The following CCDC146 variants were observed in gnomAD, a reference collection of about 807,000 sequenced individuals.
CCDC146 encodes coiled-coil domain-containing protein 146.
A neutral mutation model predicts 119.3 loss-of-function variants in CCDC146; 92 were observed. That is an observed-to-expected ratio of 0.77 (90% CI 0.65 to 0.92). The LOEUF is 0.92. CCDC146 is among the 40% of genes least tolerant of loss of function. The pLI, the probability that CCDC146 is intolerant of heterozygous loss-of-function variation, is 0.00. For missense variants in CCDC146, 1,000 were observed against 1,103.0 expected, an observed-to-expected ratio of 0.91 and a Z score of 1.32; for synonymous variants, 372 against 371.8, an observed-to-expected ratio of 1.00 and a Z score of -0.01.
intron 4 of CCDC146, among the ~76,000 whole-genome samples, chr7:77,247,627 A>C (rs1792978232): frequency 6.6e-6 from 1 of 152,220 alleles, no homozygotes. Flanking sequence ...ATCCCATTAA[A>C]AAGTAGGCAA....
intron 18 of CCDC146, among the ~76,000 whole-genome samples, chr7:77,294,398 C>T (rs1794005133): frequency 6.6e-6 from 1 of 151,664 alleles, no homozygotes; most frequent in South Asian, 2.1e-4. Context: ...TGATTCCACC[C>T]TCCTACCCTA....
chr7:77,131,446 A>G (rs1184080587), intron 1 of CCDC146, among the ~76,000 whole-genome samples: 1 of 152,064 alleles, frequency 6.6e-6, no homozygotes, highest in Non-Finnish European at 1.5e-5. Flanking sequence ...GGCCGGGTGC[A>G]GTGGCTCACA....
chr7:77,260,181 T>C lies in CCDC146; in HGVS notation c.931T>C (p.Leu311=), dbSNP rs779573038. The C allele has an allele frequency of 1.8e-5, 29 of 1,613,904 alleles. No homozygotes were observed. The highest frequency in any genetic ancestry group is 2.2e-5 in the Non-Finnish European group (26 of 1,180,004). Residue 311 remains leucine, a synonymous_variant, in exon 8 of 19, where the codon TTG becomes CTG. Coordinates refer to ENST00000285871, the MANE Select transcript of CCDC146 (RefSeq NM_020879.3). ...LEIKEREHNQ[L]VKLLELAREN... ...AATCAAAGAACGAGAACATAACCAA[T>C]TGGTCAAGCTATTGGAATTAGCCAG... is the stretch of plus-strand genomic sequence containing the variant.
At chr7:77,285,455 G>A (rs967112477) in intron 15 of CCDC146, among the ~76,000 whole-genome samples, 4 of 152,196 alleles carry the variant, frequency 2.6e-5, no homozygotes, top group Non-Finnish European at 4.4e-5. Flanking sequence ...AATTATTTTT[G>A]TAGGGAGGAG....
Position 77,157,613 on chromosome 7 carries a change from T to C in CCDC146, c.-11-10045T>C, listed in dbSNP as rs1035260040. On this transcript the variant is annotated intron_variant, in intron 1 of 18. Coordinates refer to ENST00000285871, the MANE Select transcript of CCDC146 (RefSeq NM_020879.3). ...GAAGCTTCCTATTTTGGCTTATTCA[T>C]GTCTTCTGCTTTCTTAAAATCCCCT... Among the ~76,000 whole-genome samples, 27 of 152,332 alleles carry C rather than the reference T, an allele frequency of 1.8e-4. 1 individual carries two copies. Among genetic ancestry groups the C allele is most frequent in the African/African-American group, 6.3e-4 (26 of 41,572 alleles).
chr7:77,263,276 C>A (rs1793337961), intron 9 of CCDC146, among the ~76,000 whole-genome samples: 1 of 152,156 alleles, frequency 6.6e-6, no homozygotes, highest in South Asian at 2.1e-4. Context: ...CACTTCCAGC[C>A]TATAACATCT....
intron 2 of CCDC146, among the ~76,000 whole-genome samples, chr7:77,191,842 G>A (rs748572311): frequency 5.9e-5 from 9 of 152,062 alleles, no homozygotes; most frequent in African/African-American, 2.2e-4. Context: ...CCCAGGAGGC[G>A]GAGCGTGCAG....
intron 3 of CCDC146, 84 bp from the exon 4 acceptor site, chr7:77,241,607 C>A: frequency 1.8e-6 from 2 of 1,122,776 alleles, no homozygotes; most frequent in Non-Finnish European, 1.3e-6. Flanking sequence ...GAGTGGGGAG[C>A]AGCTATCCTC....
At chr7:77,262,350 A>T in intron 9 of CCDC146, 43 bp downstream of exon 9, 2 of 1,446,534 alleles carry the variant, frequency 1.4e-6, no homozygotes, top group Non-Finnish European at 1.9e-6. Context: ...GCTCGGTGCT[A>T]ACTTTTGAAG....
At chr7:77,152,402 G>A (rs1391134457) in intron 1 of CCDC146, among the ~76,000 whole-genome samples, 9 of 152,086 alleles carry the variant, frequency 5.9e-5, no homozygotes, top group Non-Finnish European at 8.8e-5. Flanking sequence ...GATCTGCCAA[G>A]GGCCAGTGAA....
chr7:77,272,195 A>G (rs994207479), intron 9 of CCDC146, among the ~76,000 whole-genome samples: 3 of 152,224 alleles, frequency 2.0e-5, no homozygotes, highest in Admixed American at 6.5e-5. Flanking sequence ...GATCTGCTAT[A>G]GCAATTTTAT....
chr7:77,183,372 G>A (rs1469686068), intron 2 of CCDC146, among the ~76,000 whole-genome samples: 1 of 152,060 alleles, frequency 6.6e-6, no homozygotes, highest in East Asian at 1.9e-4. Flanking sequence ...ATAGGTGGCA[G>A]AGGGAGATTG....
chr7:77,225,044 T>C (rs1792479931), intron 2 of CCDC146, among the ~76,000 whole-genome samples: 6 of 152,196 alleles, frequency 3.9e-5, no homozygotes, highest in Admixed American at 3.9e-4. Flanking sequence ...TTTTGTCTTG[T>C]TTGTTTTTGA....
intron 3 of CCDC146, among the ~76,000 whole-genome samples, chr7:77,237,905 T>C (rs949320458): frequency 1.6e-4 from 25 of 152,108 alleles, no homozygotes; most frequent in African/African-American, 5.1e-4. Flanking sequence ...GGGCCTTGCA[T>C]TGTATCTTCA....
chr7:77,153,140 G>A (rs980318916), intron 1 of CCDC146, among the ~76,000 whole-genome samples: 8 of 152,172 alleles, frequency 5.3e-5, no homozygotes, highest in Non-Finnish European at 4.4e-5. Flanking sequence ...AAGGAGCAAG[G>A]AGGAGGAGGA....
chr7:77,140,940 T>C (rs1790923736), intron 1 of CCDC146, among the ~76,000 whole-genome samples: 1 of 152,108 alleles, frequency 6.6e-6, no homozygotes, highest in Admixed American at 6.5e-5. Flanking sequence ...TTTTTTATAC[T>C]TTCAGTTCTG....
At chr7:77,218,550 C>G (rs1236732475) in intron 2 of CCDC146, among the ~76,000 whole-genome samples, 1 of 151,600 alleles carries the variant, frequency 6.6e-6, no homozygotes, top group East Asian at 1.9e-4. Context: ...CCAGTGTCAT[C>G]AAGCATAATA....
intron 2 of CCDC146, among the ~76,000 whole-genome samples, chr7:77,173,619 C>T (rs945668772): frequency 6.6e-6 from 1 of 152,116 alleles, no homozygotes; most frequent in Admixed American, 6.6e-5. Context: ...ACAAGTGAAA[C>T]TGCGTCTCAA....
intron 1 of CCDC146, among the ~76,000 whole-genome samples, chr7:77,146,705 A>G (rs1791025987): frequency 6.6e-6 from 1 of 152,198 alleles, no homozygotes; most frequent in South Asian, 2.1e-4. Flanking sequence ...CTGGGTTGAA[A>G]ATAATTTTCT....
Sources: gnomAD v4.1 joint callset for allele counts (sites outside exome capture counted in the v4.1 genomes callset) on GRCh38, gnomAD v4.1.1 for gene constraint, MANE v1.5 for transcripts, NCBI Gene and HGNC (gene_info 2026-07-23, HGNC 2026-07-21) for gene names.